The following RRBP1 variants were observed in gnomAD, a reference collection of about 807,000 sequenced individuals.
RRBP1 encodes the protein ribosome binding protein 1.
In RRBP1, 94 loss-of-function variants were observed where a neutral mutation model predicts 165.2. That is an observed-to-expected ratio of 0.57 (90% CI 0.48 to 0.68). The LOEUF (loss-of-function observed/expected upper bound fraction) is 0.68, where lower values mean the gene tolerates loss of function less well. Among genes scored for constraint, RRBP1 ranks in the 30% least tolerant of loss-of-function variants. The pLI, the probability that RRBP1 is intolerant of heterozygous loss-of-function variation, is 0.00. For synonymous variants in RRBP1, 680 were observed against 714.5 expected, an observed-to-expected ratio of 0.95 and a Z score of 0.77; for missense variants, 1,676 against 1,763.0, an observed-to-expected ratio of 0.95 and a Z score of 0.88.
At chr20:17,671,346 T>G (rs1006991056) in intron 2 of RRBP1, among the ~76,000 whole-genome samples, 19 of 152,366 alleles carry the variant, frequency 1.2e-4, no homozygotes, top group Admixed American at 1.2e-3. Flanking sequence ...AACTATGGAC[T>G]ATTCTCTTTC....
At chr20:17,625,736 C>G in intron 11 of RRBP1, 134 bp from the exon 12 acceptor site, 1 of 688,200 alleles carries the variant, frequency 1.5e-6, no homozygotes, top group Non-Finnish European at 2.5e-6. Context: ...CTTCTGGCTG[C>G]CCCCACCTCA....
At chr20:17,633,708 T>C (rs1271025281) in intron 7 of RRBP1, 95 bp from the exon 8 acceptor site, 4 of 1,301,704 alleles carry the variant, frequency 3.1e-6, no homozygotes, top group Non-Finnish European at 4.3e-6. Flanking sequence ...CTCTTGTAAG[T>C]AAGCAGTTGC....
At chr20:17,649,904 C>CCTCA (rs1352886293) in intron 3 of RRBP1, among the ~76,000 whole-genome samples, 2 of 152,150 alleles carry the variant, frequency 1.3e-5, no homozygotes. Context: ...TCCCACCTTA[C>CCTCA]CTCAGTTCAT....
intron 24 of RRBP1, 41 bp from the exon 25 acceptor site, chr20:17,614,261 G>A (rs761117236): frequency 3.4e-5 from 55 of 1,604,212 alleles, no homozygotes; most frequent in East Asian, 1.6e-4. Flanking sequence ...GCTGGGCCAC[G>A]AGCCATGGCA....
At chr20:17,677,997 T>C (rs2037113814) in intron 2 of RRBP1, among the ~76,000 whole-genome samples, 1 of 152,252 alleles carries the variant, frequency 6.6e-6, no homozygotes, top group South Asian at 2.1e-4. Context: ...GCAGGTATTC[T>C]AGTCTTGCCA....
chr20:17,618,750 A>G (rs2035850749), intron 19 of RRBP1, 71 bp from the exon 20 acceptor site: 3 of 1,219,420 alleles, frequency 2.5e-6, no homozygotes, highest in Admixed American at 1.8e-5. Flanking sequence ...CCCGTGAGTT[A>G]GCGCCGAAAC....
chr20:17,647,967 G>A (rs906004163), intron 3 of RRBP1, among the ~76,000 whole-genome samples: 2 of 152,178 alleles, frequency 1.3e-5, no homozygotes, highest in African/African-American at 2.4e-5. Context: ...CTGTAAGAAG[G>A]TGAAGACCCT....
intron 2 of RRBP1, among the ~76,000 whole-genome samples, chr20:17,667,371 T>A (rs1012072742): frequency 2.8e-4 from 42 of 152,350 alleles, no homozygotes; most frequent in Non-Finnish European, 4.4e-5. Flanking sequence ...TCTATAAAAT[T>A]AATATTCATT....
intron 11 of RRBP1, among the ~76,000 whole-genome samples, chr20:17,627,094 AG>A (rs1461655455): frequency 2.0e-5 from 3 of 152,184 alleles, no homozygotes; most frequent in Middle Eastern, 3.2e-3. Context: ...GGCAGGTGGC[AG>A]GGGGTGCTCC....
intron 23 of RRBP1, 125 bp downstream of exon 23, chr20:17,615,306 C>A: frequency 1.4e-6 from 1 of 709,054 alleles, no homozygotes; most frequent in Non-Finnish European, 2.3e-6. Flanking sequence ...ACAAGGGGAA[C>A]CAGTGCCAAG....
In RRBP1 at chr20:17,624,431, C is replaced by G. The variant is rs958281187; in HGVS notation, c.3147+145G>C. Reference sequence around the variant, plus strand: ...ATCTGTGTGTCCTAGTGCTTCTATGCGTTCCTAGTGCCTCTGTATGTCTGT... The same window carrying G: ...ATCTGTGTGTCCTAGTGCTTCTATGGGTTCCTAGTGCCTCTGTATGTCTGT... On this transcript the variant is annotated intron_variant, in intron 13 of 24. Transcript: ENST00000377813. 24 of 649,526 alleles carry G rather than the reference C, an allele frequency of 3.7e-5. No individual in the cohort carries two copies. The East Asian group carries it at 6.3e-4, about 17-fold the overall frequency. The allele number at this position is 649,526 out of a possible 1,614,324, so 40.2% of individuals were successfully genotyped here.
intron 7 of RRBP1, among the ~76,000 whole-genome samples, chr20:17,634,406 C>T (rs1031189213): frequency 3.9e-5 from 6 of 152,200 alleles, no homozygotes; most frequent in African/African-American, 1.2e-4. Flanking sequence ...GGGGCTGCCT[C>T]GTCTGTACCG....
chr20:17,628,060 C>A (rs1379760440), intron 9 of RRBP1, among the ~76,000 whole-genome samples: 4 of 152,052 alleles, frequency 2.6e-5, no homozygotes, highest in Non-Finnish European at 5.9e-5. Context: ...CACTGCCACA[C>A]CTCCCCCACC....
chr20:17,638,437 C>T (rs6075228), intron 5 of RRBP1, among the ~76,000 whole-genome samples: 1 of 152,204 alleles, frequency 6.6e-6, no homozygotes, highest in Admixed American at 6.5e-5. Flanking sequence ...GGGCAGGCCT[C>T]GTGCAGTTCC....
chr20:17,626,370 G>A (rs954936666), intron 11 of RRBP1, among the ~76,000 whole-genome samples: 1 of 152,176 alleles, frequency 6.6e-6, no homozygotes, highest in East Asian at 1.9e-4. Flanking sequence ...GGGAAAGGAA[G>A]GTGGACAAGG....
chr20:17,630,974 G>A (rs953606108), intron 8 of RRBP1, among the ~76,000 whole-genome samples: 8 of 152,356 alleles, frequency 5.3e-5, no homozygotes, highest in South Asian at 4.1e-4. Flanking sequence ...GGGCAGAGGC[G>A]TGGCTGGAGC....
At chr20:17,630,105 G>C in intron 8 of RRBP1, 144 bp from the exon 9 acceptor site, 2 of 872,400 alleles carry the variant, frequency 2.3e-6, no homozygotes, top group Non-Finnish European at 1.7e-6. Flanking sequence ...TGCATCCCTC[G>C]AGGCTCTAGA....
At position 17,616,715 on chromosome 20, in the gene RRBP1, C is replaced by T. The variant is rs755004351; in HGVS notation, c.3867+17G>A. 20 of 1,558,602 alleles carry T rather than the reference C, an allele frequency of 1.3e-5. No homozygotes were observed. Among genetic ancestry groups the T allele is most frequent in the Middle Eastern group, 1.7e-4 (1 of 5,968 alleles). ...TGGGATTAGTGATGTGTCTGGGGAC[C>T]AGCTCACCGCCCTAACCTGAACGGG... On this transcript the variant is annotated intron_variant, in intron 21 of 24. Coordinates refer to ENST00000377813, the MANE Select transcript of RRBP1 (RefSeq NM_001365613.2).
chr20:17,619,679 G>A lies in RRBP1; in HGVS notation c.3629C>T (p.Ala1210Val), dbSNP rs374415502. 52 of 1,612,652 alleles carry A rather than the reference G, an allele frequency of 3.2e-5. No homozygotes were observed. Among genetic ancestry groups the A allele is most frequent in the African/African-American group, 1.6e-4 (12 of 74,918 alleles). The part of the protein sequence containing the change: ...HLEAELEKHM[A>V]AASAECQNYA... ...GTTCTGGCACTCGGCGCTGGCGGCCGCCATGTGCTTTTCCAGCTCTGCCTC... is the reference window on the plus strand; with the variant it reads ...GTTCTGGCACTCGGCGCTGGCGGCCACCATGTGCTTTTCCAGCTCTGCCTC... Residue 1210 changes from alanine (A) to valine (V), a missense_variant, in exon 19 of 25, where the codon GCG becomes GTG. Physicochemically the swap from Ala to Val is moderately conservative, Grantham distance 64 (BLOSUM62 0). Around this residue, in one of 5 missense-constraint regions of RRBP1, gnomAD observed 1,184 missense variants for 1,167.1 expected, o/e 1.01. Coordinates refer to ENST00000377813, the MANE Select transcript of RRBP1 (RefSeq NM_001365613.2).
Sources: gnomAD v4.1 joint callset for allele counts (sites outside exome capture counted in the v4.1 genomes callset) on GRCh38, gnomAD v4.1.1 for gene constraint, gnomAD v4.1.1 regional missense constraint, MANE v1.5 for transcripts, NCBI Gene and HGNC (gene_info 2026-07-23, HGNC 2026-07-21) for gene names.